Variants in TRAPPC8 observed in about 807,000 individuals in gnomAD.
TRAPPC8 encodes trafficking protein particle complex subunit 8.
In TRAPPC8, 54 loss-of-function variants were observed where a neutral mutation model predicts 174.3. The ratio of observed to expected loss-of-function variants is 0.31; its 90% confidence interval spans 0.25 to 0.39. The LOEUF is 0.39. TRAPPC8 is among the 10% of genes least tolerant of loss of function. The probability of loss-of-function intolerance (pLI) is 1.00; values close to 1 mark genes in which losing one functional copy is unlikely to be tolerated. For missense variants in TRAPPC8, 1,531 were observed against 1,699.1 expected (o/e 0.90, Z 1.74); for synonymous variants, 630 against 579.9 (o/e 1.09, Z -1.24).
At chr18:31,921,595 G>A (rs1326144034) in intron 2 of TRAPPC8, among the ~76,000 whole-genome samples, 2 of 147,062 alleles carry the variant, frequency 1.4e-5, no homozygotes, top group East Asian at 2.0e-4. Flanking sequence ...CTCCAGCCTG[G>A]ATGACAGAGC....
At chr18:31,854,029 C>T in intron 21 of TRAPPC8, 84 bp from the exon 22 acceptor site, 1 of 1,003,358 alleles carries the variant, frequency 1.0e-6, no homozygotes, top group Non-Finnish European at 1.5e-6. Context: ...TCAGACACTG[C>T]TACCAAAGTC....
chr18:31,899,050 C>T (rs183165121), intron 10 of TRAPPC8, among the ~76,000 whole-genome samples: 1 of 152,142 alleles, frequency 6.6e-6, no homozygotes, highest in African/African-American at 2.4e-5. Context: ...AAACTTTCTA[C>T]AAATCACACC....
intron 2 of TRAPPC8, among the ~76,000 whole-genome samples, chr18:31,917,960 T>C (rs752393921): frequency 1.3e-5 from 2 of 151,992 alleles, no homozygotes; most frequent in Non-Finnish European, 2.9e-5. Flanking sequence ...CTCGTGTCTC[T>C]ACTAAAAATA....
chr18:31,843,286 G>C (rs905550141), intron 26 of TRAPPC8, among the ~76,000 whole-genome samples: 1 of 151,342 alleles, frequency 6.6e-6, no homozygotes. Context: ...TTTCTTTTTC[G>C]GTTAAAATTT....
chr18:31,873,768 C>G, intron 13 of TRAPPC8: 1 of 380,734 alleles, frequency 2.6e-6, no homozygotes, highest in Non-Finnish European at 4.8e-6. Context: ...AGCTAATTAC[C>G]TGGATGTTAA....
At chr18:31,867,594 T>TAA in intron 16 of TRAPPC8, 118 bp from the exon 17 acceptor site, 1 of 661,294 alleles carries the variant, frequency 1.5e-6, no homozygotes, top group Non-Finnish European at 2.5e-6. Flanking sequence ...TTTACTTGGT[T>TAA]TTTACCACAT....
intron 2 of TRAPPC8, among the ~76,000 whole-genome samples, chr18:31,918,614 TG>T (rs2145553987): frequency 6.6e-6 from 1 of 152,324 alleles, no homozygotes; most frequent in Non-Finnish European, 1.5e-5. Context: ...AAAATGTAAA[TG>T]GTGATATGGC....
intron 27 of TRAPPC8, among the ~76,000 whole-genome samples, chr18:31,836,830 C>A (rs865880136): frequency 6.8e-6 from 1 of 147,270 alleles, no homozygotes; most frequent in South Asian, 2.1e-4. Flanking sequence ...GGCACGATCT[C>A]GGCTCACTGC....
rs752998301 is a variant in TRAPPC8, at chr18:31,873,513, C to A, written c.1979G>T (p.Gly660Val). 19 of 1,613,088 alleles carry A rather than the reference C, an allele frequency of 1.2e-5. No homozygotes were observed. Among genetic ancestry groups the A allele is most frequent in the Non-Finnish European group, 1.5e-5 (18 of 1,179,516 alleles). Residue 660 changes from glycine to valine, a missense_variant, in exon 14 of 29, where the codon GGT (glycine) becomes GTT (valine). Coordinates refer to ENST00000283351, the MANE Select transcript of TRAPPC8 (RefSeq NM_014939.5). Reference sequence around the variant, plus strand: ...CGGTAAAGGAAGCTGTGGCAAAGGACCATCTGGTGACAGCTGACTTACATT... The same window carrying A: ...CGGTAAAGGAAGCTGTGGCAAAGGAACATCTGGTGACAGCTGACTTACATT... ...YKNVSQLSPDGPLPQLPLPYI... is the reference protein window; with the variant it reads ...YKNVSQLSPDVPLPQLPLPYI...
chr18:31,861,308 G>A (rs942923462), intron 19 of TRAPPC8, among the ~76,000 whole-genome samples: 1 of 152,106 alleles, frequency 6.6e-6, no homozygotes, highest in Non-Finnish European at 1.5e-5. Flanking sequence ...TTCAAGAACT[G>A]CCTCTATAAC....
chr18:31,833,750 T>C (rs2032520536), intron 27 of TRAPPC8, among the ~76,000 whole-genome samples: 1 of 152,048 alleles, frequency 6.6e-6, no homozygotes, highest in Admixed American at 6.5e-5. Context: ...GCGCTTGTAA[T>C]CCCAGCATTT....
chr18:31,850,176 T>C (rs879341390), intron 24 of TRAPPC8, among the ~76,000 whole-genome samples: 10 of 152,090 alleles, frequency 6.6e-5, no homozygotes, highest in Non-Finnish European at 1.5e-4. Flanking sequence ...GGTCTTGAAC[T>C]ACTGAGCTCA....
chr18:31,834,021 C>A lies in TRAPPC8; in HGVS notation c.3984-1848G>T, dbSNP rs1188450972. On this transcript the variant is annotated intron_variant, in intron 27 of 28. Transcript: ENST00000283351. ...CGTCTCAAAAAAAAAAAACAAAAAA[C>A]AGAAATTACATTTCTAAGTTCCCAG... Among the ~76,000 whole-genome samples, 335 of 118,992 alleles carry A rather than the reference C, an allele frequency of 2.8e-3. 5 individuals are homozygous for A. The highest frequency in any genetic ancestry group is 6.4e-3 in the South Asian group (20 of 3,118). 78.1% of individuals were successfully genotyped at this position (118,992 alleles called of 152,430 possible).
chr18:31,922,190 T>C (rs1035467019), intron 2 of TRAPPC8, among the ~76,000 whole-genome samples: 1 of 152,220 alleles, frequency 6.6e-6, no homozygotes, highest in Non-Finnish European at 1.5e-5. Flanking sequence ...TTTGAAACTA[T>C]GTGAATGTAC....
chr18:31,883,910 C>T (rs778146292), intron 12 of TRAPPC8, among the ~76,000 whole-genome samples: 1 of 152,112 alleles, frequency 6.6e-6, no homozygotes, highest in African/African-American at 2.4e-5. Flanking sequence ...GTTGGGAGGT[C>T]GAGCGTGGTG....
chr18:31,866,212 T>C (rs972259396), intron 18 of TRAPPC8, among the ~76,000 whole-genome samples: 1 of 152,122 alleles, frequency 6.6e-6, no homozygotes. Context: ...TCTCCTAGCA[T>C]CTTTTCAACT....
intron 2 of TRAPPC8, among the ~76,000 whole-genome samples, chr18:31,927,939 G>C (rs1265597856): frequency 6.6e-6 from 1 of 152,050 alleles, no homozygotes; most frequent in Non-Finnish European, 1.5e-5. Context: ...CAGATCACTT[G>C]AGGTCAGGAG....
At chr18:31,934,639 G>A (rs964135337) in intron 1 of TRAPPC8, among the ~76,000 whole-genome samples, 4 of 152,218 alleles carry the variant, frequency 2.6e-5, no homozygotes, top group Non-Finnish European at 2.9e-5. Context: ...AGGTCAAGGC[G>A]GGCGGATCAC....
At chr18:31,921,302 G>A (rs888476426) in intron 2 of TRAPPC8, among the ~76,000 whole-genome samples, 13 of 152,052 alleles carry the variant, frequency 8.5e-5, no homozygotes, top group Admixed American at 3.3e-4. Flanking sequence ...GAGAGGGATC[G>A]ACCAAGTGCT....
Sources: gnomAD v4.1 joint callset for allele counts (sites outside exome capture counted in the v4.1 genomes callset) on GRCh38, gnomAD v4.1.1 for gene constraint, MANE v1.5 for transcripts, NCBI Gene and HGNC (gene_info 2026-07-23, HGNC 2026-07-21) for gene names.